SLC25A19: variants seen among roughly 807,000 people sequenced by gnomAD.
The protein encoded by SLC25A19 is solute carrier family 25 member 19.
A neutral mutation model predicts 27.9 loss-of-function variants in SLC25A19; 18 were observed. That is an observed-to-expected ratio of 0.64 (90% CI 0.45 to 0.96). The LOEUF (loss-of-function observed/expected upper bound fraction) is 0.96, where lower values mean the gene tolerates loss of function less well. Ranked by LOEUF, SLC25A19 falls within the 40% of genes least tolerant of loss-of-function variation. The pLI is 0.00. For missense variants in SLC25A19, 371 were observed against 418.3 expected (o/e 0.89, Z 0.99); for synonymous variants, 169 against 167.1 (o/e 1.01, Z -0.09).
Position 75,277,410 on chromosome 17 carries a change from G to C in SLC25A19, c.717C>G (p.Leu239=), listed in dbSNP as rs749567067. The change falls in exon 7 of 8, where the codon CTC becomes CTG. Residue 239 remains leucine (L), a synonymous_variant. Transcript: ENST00000416858. ...ISKTLTYPLD[L]FKKRLQVGGF... is the part of the protein sequence containing the mutation. The stretch of plus-strand genomic sequence containing the variant: ...CTCCAACCTGTAGCCGCTTCTTGAA[G>C]AGGTCCAGCGGATATGTCAGGGTCT... 6.2e-7 allele frequency: 1 copy of C among 1,614,126 alleles called. No individual in the cohort carries two copies. The highest frequency in any genetic ancestry group is 8.5e-7 in the Non-Finnish European group (1 of 1,180,018).
At chr17:75,274,976 T>TA (rs2077838191) in intron 7 of SLC25A19, among the ~76,000 whole-genome samples, 2 of 45,632 alleles carry the variant, frequency 4.4e-5, no homozygotes, top group East Asian at 6.8e-4. Flanking sequence ...TTTTGGTCTT[T>TA]TTTTTTTTTT....
At chr17:75,274,401 G>C (rs2077811621) in intron 7 of SLC25A19, among the ~76,000 whole-genome samples, 1 of 152,076 alleles carries the variant, frequency 6.6e-6, no homozygotes, top group African/African-American at 2.4e-5. Context: ...CTCAAGCCTG[G>C]CTTCCCTCCA....
At chr17:75,277,243 G>T in intron 7 of SLC25A19, 110 bp downstream of exon 7, 1 of 1,412,820 alleles carries the variant, frequency 7.1e-7, no homozygotes, top group Non-Finnish European at 9.7e-7. Flanking sequence ...AGGTGAAGGG[G>T]CCATGGCCAG....
At chr17:75,283,691 G>T in intron 4 of SLC25A19, 98 bp from the exon 5 acceptor site, 1 of 1,199,548 alleles carries the variant, frequency 8.3e-7, no homozygotes, top group Non-Finnish European at 1.2e-6. Context: ...CTGGGGCCCA[G>T]GTGGAGGGGC....
At chr17:75,286,850 C>A in intron 2 of SLC25A19, 48 bp from the exon 3 acceptor site, 2 of 1,560,602 alleles carry the variant, frequency 1.3e-6, no homozygotes, top group South Asian at 1.1e-5. Flanking sequence ...TTCTTATGGT[C>A]TCTGCTCAAA....
rs972479427 is a variant in SLC25A19, at chr17:75,273,295, C to T, written c.*156G>A. Reference sequence around the variant, plus strand: ...TTCTCTCATGGGGAGAGCCCTGGACCTTCTGGTGGTGTCCCAGCTGGGTGG... The same window carrying T: ...TTCTCTCATGGGGAGAGCCCTGGACTTTCTGGTGGTGTCCCAGCTGGGTGG... On this transcript the variant is annotated 3_prime_UTR_variant, in exon 8 of 8. Coordinates refer to ENST00000416858, the MANE Select transcript of SLC25A19 (RefSeq NM_001126121.2). 1.4e-5 allele frequency: 10 copies of T among 720,914 alleles called. No individual in the cohort carries two copies. Among genetic ancestry groups the T allele is most frequent in the African/African-American group, 1.2e-4 (7 of 57,040 alleles). 44.7% of individuals were successfully genotyped at this position (720,914 alleles called of 1,614,324 possible). A position where few individuals can be genotyped will look rare whatever the true frequency, so the allele number is the denominator to read the frequency against.
At chr17:75,277,290 G>T (rs1476597830) in intron 7 of SLC25A19, 63 bp downstream of exon 7, 2 of 1,597,926 alleles carry the variant, frequency 1.3e-6, no homozygotes, top group Non-Finnish European at 1.7e-6. Context: ...GTGACTACTG[G>T]TTCCCTCATG....
chr17:75,280,543 G>A (rs888564595), intron 5 of SLC25A19, among the ~76,000 whole-genome samples: 3 of 152,190 alleles, frequency 2.0e-5, no homozygotes, highest in East Asian at 1.9e-4. Context: ...GGCCAGGCGC[G>A]GTGGCTCACG....
intron 5 of SLC25A19, among the ~76,000 whole-genome samples, chr17:75,279,815 T>C (rs1019274688): frequency 1.3e-5 from 2 of 152,130 alleles, no homozygotes; most frequent in Non-Finnish European, 2.9e-5. Context: ...CCCAATTCTT[T>C]GTTTTTTTTG....
At chr17:75,275,273 G>A (rs2077853333) in intron 7 of SLC25A19, among the ~76,000 whole-genome samples, 1 of 152,054 alleles carries the variant, frequency 6.6e-6, no homozygotes, top group South Asian at 2.1e-4. Flanking sequence ...GATCACAGGC[G>A]TGATCCACTG....
chr17:75,276,737 C>T (rs1055320571), intron 7 of SLC25A19, among the ~76,000 whole-genome samples: 2 of 148,744 alleles, frequency 1.3e-5, no homozygotes, highest in Non-Finnish European at 3.0e-5. Flanking sequence ...TGCAGTGGCG[C>T]AATCTCAGCT....
chr17:75,276,714 G>C (rs1157185507), intron 7 of SLC25A19, among the ~76,000 whole-genome samples: 2 of 148,356 alleles, frequency 1.3e-5, no homozygotes, highest in Admixed American at 6.8e-5. Context: ...TTGCTCTGTT[G>C]CCCAGGCTGG....
chr17:75,275,256 G>A (rs188031117), intron 7 of SLC25A19, among the ~76,000 whole-genome samples: 5 of 152,104 alleles, frequency 3.3e-5, no homozygotes, highest in Admixed American at 3.3e-4. Context: ...GCCTCCCAAA[G>A]TGCTGGGATC....
At chr17:75,276,307 A>G (rs2077885657) in intron 7 of SLC25A19, among the ~76,000 whole-genome samples, 1 of 152,204 alleles carries the variant, frequency 6.6e-6, no homozygotes, top group South Asian at 2.1e-4. Flanking sequence ...AAATACATAT[A>G]TATATAACCT....
rs1295948257 is a variant in SLC25A19 at position 75,276,841 on chromosome 17, A to AT, written c.774+511dup. On this transcript the variant is annotated intron_variant, in intron 7 of 7. Transcript: ENST00000416858. ...ACGTGCCCACCACCACGCCCGGCTAATTTTTTTGTTTTTTTTTTTTTTTAG... is the reference window on the plus strand; with the variant it reads ...ACGTGCCCACCACCACGCCCGGCTAATTTTTTTTGTTTTTTTTTTTTTTTAG... Among the ~76,000 whole-genome samples, 6 of 97,088 alleles carry AT rather than the reference A, an allele frequency of 6.2e-5. No individual in the cohort carries two copies. The East Asian group carries it at 2.1e-3, about 34-fold the overall frequency. The allele number at this position is 97,088 out of a possible 152,430, so 63.7% of individuals were successfully genotyped here. A position where few individuals can be genotyped will look rare whatever the true frequency, so the allele number is the denominator to read the frequency against.
Position 75,287,222 on chromosome 17 carries a change from T to C in SLC25A19, c.-38-420A>G, listed in dbSNP as rs374700164. ...TTGAACTCCTGGGCTCAAGTGATTCTCTTGCCTCAGCCTCCCAATTAGCTG... is the reference window on the plus strand; with the variant it reads ...TTGAACTCCTGGGCTCAAGTGATTCCCTTGCCTCAGCCTCCCAATTAGCTG... On this transcript the variant is annotated intron_variant, in intron 2 of 7. Coordinates refer to ENST00000416858, the MANE Select transcript of SLC25A19 (RefSeq NM_001126121.2). The C allele has an allele frequency of 4.4e-5, 8 of 181,848 alleles. No individual in the cohort carries two copies. In the East Asian group the frequency reaches 6.9e-4, roughly 16 times the overall value. 11.3% of individuals were successfully genotyped at this position (181,848 alleles called of 1,614,324 possible).
At chr17:75,286,495 G>A in intron 3 of SLC25A19, 36 bp from the exon 4 acceptor site, 1 of 1,613,500 alleles carries the variant, frequency 6.2e-7, no homozygotes, top group Non-Finnish European at 8.5e-7. Flanking sequence ...GGACAGTGGG[G>A]TGGGCTGGAA....
chr17:75,286,533 A>G lies in SLC25A19; in HGVS notation c.133-74T>C, dbSNP rs1371133964. 3 of 1,613,308 alleles carry G rather than the reference A, an allele frequency of 1.9e-6. No individual in the cohort carries two copies. The African/African-American group carries it at 4.0e-5, about 22-fold the overall frequency. On this transcript the variant is annotated intron_variant, in intron 3 of 7. Coordinates refer to ENST00000416858, the MANE Select transcript of SLC25A19 (RefSeq NM_001126121.2). Reference sequence around the variant, plus strand: ...TGAAGGGGAACTTTCAGAAAAGGCAAGCCCTTCATCTGGATAGAATTCCAA... The same window carrying G: ...TGAAGGGGAACTTTCAGAAAAGGCAGGCCCTTCATCTGGATAGAATTCCAA...
At chr17:75,274,527 AC>A (rs1010395434) in intron 7 of SLC25A19, among the ~76,000 whole-genome samples, 2 of 152,108 alleles carry the variant, frequency 1.3e-5, no homozygotes, top group African/African-American at 4.8e-5. Flanking sequence ...TCTGACCTCC[AC>A]TGGTCCTCCC....
Sources: allele counts gnomAD v4.1 joint callset (sites outside exome capture counted in the v4.1 genomes callset), GRCh38; gene constraint gnomAD v4.1.1; transcripts MANE v1.5; gene names NCBI Gene and HGNC (gene_info 2026-07-23, HGNC 2026-07-21).